Variants in KCNIP4 observed in about 807,000 individuals in gnomAD.
The protein encoded by KCNIP4 is potassium voltage-gated channel interacting protein 4.
Under a neutral mutation model 34.0 loss-of-function variants are expected in KCNIP4, and 12 were observed. The ratio of observed to expected loss-of-function variants is 0.35; its 90% confidence interval spans 0.23 to 0.57. KCNIP4 has a LOEUF of 0.57. Among genes scored for constraint, KCNIP4 ranks in the 20% least tolerant of loss-of-function variants. The pLI, the probability that KCNIP4 is intolerant of heterozygous loss-of-function variation, is 0.83. For missense variants in KCNIP4, 238 were observed against 311.7 expected (o/e 0.76, Z 1.78); for synonymous variants, 124 against 102.2 (o/e 1.21, Z -1.29).
At chr4:21,553,444 A>T (rs954744949) in intron 1 of KCNIP4, among the ~76,000 whole-genome samples, 1 of 152,130 alleles carries the variant, frequency 6.6e-6, no homozygotes, top group Non-Finnish European at 1.5e-5. Context: ...ACTAATGCCA[A>T]TGCTAGAGGC....
chr4:21,512,712 T>C (rs1379141452), intron 1 of KCNIP4, among the ~76,000 whole-genome samples: 4 of 152,154 alleles, frequency 2.6e-5, no homozygotes, highest in Non-Finnish European at 4.4e-5. Flanking sequence ...GCATCTTATG[T>C]TTGCTGTAAG....
intron 1 of KCNIP4, among the ~76,000 whole-genome samples, chr4:21,563,071 A>T (rs1454411725): frequency 7.9e-5 from 12 of 152,042 alleles, no homozygotes; most frequent in Admixed American, 7.9e-4. Context: ...CTGATGTTTT[A>T]AATATGTTTG....
At chr4:20,810,337 T>C (rs1715575132) in intron 3 of KCNIP4, among the ~76,000 whole-genome samples, 2 of 152,086 alleles carry the variant, frequency 1.3e-5, no homozygotes, top group African/African-American at 4.8e-5. Context: ...TTGAGACTTT[T>C]CTCTATGACC....
intron 1 of KCNIP4, among the ~76,000 whole-genome samples, chr4:21,094,303 A>G (rs1747275799): frequency 1.3e-5 from 2 of 152,308 alleles, no homozygotes; most frequent in Middle Eastern, 3.4e-3. Flanking sequence ...GAAAAATTAC[A>G]ACTTCCTCAT....
intron 1 of KCNIP4, among the ~76,000 whole-genome samples, chr4:21,012,470 A>G (rs1739143565): frequency 6.6e-6 from 1 of 152,282 alleles, no homozygotes; most frequent in Admixed American, 6.5e-5. Flanking sequence ...TGTAGTCCCA[A>G]TTAATCAGAT....
At chr4:21,263,826 A>C (rs1761623025) in intron 1 of KCNIP4, among the ~76,000 whole-genome samples, 2 of 151,626 alleles carry the variant, frequency 1.3e-5, no homozygotes, top group South Asian at 4.2e-4. Context: ...TGACTAATTA[A>C]ATTTTTTTTC....
At chr4:21,309,863 A>G (rs760580983) in intron 1 of KCNIP4, among the ~76,000 whole-genome samples, 44 of 152,208 alleles carry the variant, frequency 2.9e-4, no homozygotes, top group Non-Finnish European at 3.2e-4. Context: ...GATCAGGGAA[A>G]GCTGACAGGC....
chr4:21,812,343 T>C (rs1211473061), intron 1 of KCNIP4, among the ~76,000 whole-genome samples: 1 of 152,100 alleles, frequency 6.6e-6, no homozygotes, highest in Non-Finnish European at 1.5e-5. Context: ...AATGTAATGG[T>C]GGGAATCCAG....
At chr4:21,446,518 C>T (rs1403803419) in intron 1 of KCNIP4, among the ~76,000 whole-genome samples, 1 of 151,122 alleles carries the variant, frequency 6.6e-6, no homozygotes, top group East Asian at 2.0e-4. Flanking sequence ...AGCAAACTAT[C>T]GCAAGCACAA....
intron 1 of KCNIP4, among the ~76,000 whole-genome samples, chr4:21,770,513 T>C (rs1364440276): frequency 6.6e-6 from 1 of 152,158 alleles, no homozygotes. Flanking sequence ...TGGTTCTAGA[T>C]CCTTGAGGAA....
intron 1 of KCNIP4, among the ~76,000 whole-genome samples, chr4:21,130,779 C>T (rs1480623634): frequency 1.3e-5 from 2 of 152,156 alleles, no homozygotes; most frequent in Non-Finnish European, 2.9e-5. Flanking sequence ...TAAAGTTAAA[C>T]ATATGCATAT....
At chr4:21,531,322 T>G in intron 1 of KCNIP4, among the ~76,000 whole-genome samples, 1 of 139,304 alleles carries the variant, frequency 7.2e-6, no homozygotes, top group East Asian at 2.3e-4. Context: ...CCTTCCTTCC[T>G]TCCTCCCTCC....
At chr4:21,745,593 T>C (rs1716720303) in intron 1 of KCNIP4, among the ~76,000 whole-genome samples, 1 of 152,122 alleles carries the variant, frequency 6.6e-6, no homozygotes, top group Non-Finnish European at 1.5e-5. Context: ...AGTTATATTA[T>C]ACAGGTCCAC....
chr4:21,914,557 T>A (rs1415492283), intron 1 of KCNIP4, among the ~76,000 whole-genome samples: 2 of 152,134 alleles, frequency 1.3e-5, no homozygotes, highest in Non-Finnish European at 2.9e-5. Context: ...AGGCCTTTGC[T>A]GGTTTATCCC....
chr4:21,910,622 G>C (rs749714187), intron 1 of KCNIP4, among the ~76,000 whole-genome samples: 1 of 152,260 alleles, frequency 6.6e-6, no homozygotes, highest in South Asian at 2.1e-4. Context: ...CTTCAATAAA[G>C]CTGTAATTTG....
intron 1 of KCNIP4, among the ~76,000 whole-genome samples, chr4:21,467,854 G>A (rs1437024160): frequency 6.6e-6 from 1 of 152,136 alleles, no homozygotes; most frequent in Admixed American, 6.6e-5. Context: ...TAAAGCCCAA[G>A]GGCACTGAGG....
chr4:21,472,711 G>A (rs973144033), intron 1 of KCNIP4, among the ~76,000 whole-genome samples: 9 of 152,066 alleles, frequency 5.9e-5, no homozygotes, highest in Admixed American at 5.2e-4. Flanking sequence ...CAGGTTATCG[G>A]TAAAATCTAG....
In KCNIP4 at chr4:20,788,134, C is replaced by T. The variant is rs141583628; in HGVS notation, c.289-29244G>A. 1.1e-3 allele frequency among the ~76,000 whole-genome samples: 173 copies of T among 152,080 alleles called. 6 individuals carry two copies. In the East Asian group the frequency reaches 0.025, roughly 22 times the overall value. On this transcript the variant is annotated intron_variant, in intron 3 of 8. Transcript: ENST00000382152. Reference sequence around the variant, plus strand: ...AAGGAATTTTTTTGCATGTCATGTTCGCTACATCATTCCTGCATTTAGCAT... The same window carrying T: ...AAGGAATTTTTTTGCATGTCATGTTTGCTACATCATTCCTGCATTTAGCAT...
chr4:21,030,377 C>A (rs920864834), intron 1 of KCNIP4, among the ~76,000 whole-genome samples: 5 of 152,118 alleles, frequency 3.3e-5, no homozygotes, highest in Non-Finnish European at 5.9e-5. Flanking sequence ...GGCTCCTACT[C>A]ATTCTATATT....
Sources: gnomAD v4.1 joint callset for allele counts (sites outside exome capture counted in the v4.1 genomes callset) on GRCh38, gnomAD v4.1.1 for gene constraint, MANE v1.5 for transcripts, NCBI Gene and HGNC (gene_info 2026-07-23, HGNC 2026-07-21) for gene names.